APBA1: variants seen among roughly 807,000 people sequenced by gnomAD.
APBA1 encodes the protein amyloid beta precursor protein binding family A member 1, also known as amyloid-beta A4 precursor protein-binding family A member 1.
Under a neutral mutation model 86.6 loss-of-function variants are expected in APBA1, and 55 were observed. The ratio of observed to expected loss-of-function variants is 0.64; its 90% CI spans 0.51 to 0.80. The LOEUF (loss-of-function observed/expected upper bound fraction) is 0.80. Ranked by LOEUF, APBA1 falls within the 30% of genes least tolerant of loss-of-function variation. APBA1 has a pLI of 0.00. For missense variants in APBA1, 1,090 were observed against 1,183.0 expected (o/e 0.92, Z 1.15); for synonymous variants, 511 against 493.9 (o/e 1.03, Z -0.46).
intron 1 of APBA1, among the ~76,000 whole-genome samples, chr9:69,636,890 A>AAGGAAG (rs1823180588): frequency 1.7e-4 from 4 of 23,490 alleles, no homozygotes; most frequent in Admixed American, 9.5e-4. Context: ...AAGGAAGGAA[A>AAGGAAG]GAAGGAAGGA....
intron 2 of APBA1, among the ~76,000 whole-genome samples, chr9:69,501,387 G>A (rs1564057454): frequency 6.6e-6 from 1 of 151,964 alleles, no homozygotes; most frequent in Admixed American, 6.6e-5. Context: ...ATAACTCCCA[G>A]GACAACATGG....
At position 69,516,287 on chromosome 9, in the gene APBA1, C is replaced by T. The variant is rs763831406; in HGVS notation, c.924G>A (p.Gly308=). The change falls in exon 2 of 13, where the codon GGG becomes GGA. Residue 308 remains glycine (G), a synonymous_variant. Transcript: ENST00000265381. The surrounding 1 kb of genome is among the most constrained non-coding windows in gnomAD (Gnocchi z 7.3). ...GCAGCCCGGGGCTGTCGGGGCGACC[C>T]CCGGCCGGGGTAGGGGGACGCTCCA... The part of the protein sequence containing the change: ...QDLERPPTPA[G]GRPDSPGLQA... 6.6e-7 allele frequency: 1 copy of T among 1,507,076 alleles called. No homozygotes were observed. The highest frequency in any genetic ancestry group is 8.8e-7 in the Non-Finnish European group (1 of 1,134,244). The allele number at this position is 1,507,076 out of a possible 1,614,324, so 93.4% of individuals were successfully genotyped here. A position where few individuals can be genotyped will look rare whatever the true frequency, so the allele number is the denominator to read the frequency against.
chr9:69,518,073 C>T (rs1407202905), intron 1 of APBA1, among the ~76,000 whole-genome samples: 1 of 152,132 alleles, frequency 6.6e-6, no homozygotes. Context: ...TTAGGCTTCC[C>T]TATTGCGCAC....
intron 2 of APBA1, among the ~76,000 whole-genome samples, chr9:69,483,141 A>AAAC (rs1351251832): frequency 4.7e-5 from 7 of 150,450 alleles, no homozygotes; most frequent in Non-Finnish European, 7.4e-5. Flanking sequence ...TAAGTCAAAA[A>AAAC]AACAAAAAAA....
At chr9:69,612,804 C>T (rs757592051) in intron 1 of APBA1, among the ~76,000 whole-genome samples, 3 of 151,866 alleles carry the variant, frequency 2.0e-5, no homozygotes, top group East Asian at 1.9e-4. Flanking sequence ...TTAAAGGTTA[C>T]TTCAAAATAT....
intron 2 of APBA1, among the ~76,000 whole-genome samples, chr9:69,505,524 C>T (rs1588326845): frequency 6.6e-6 from 1 of 152,170 alleles, no homozygotes; most frequent in Middle Eastern, 3.4e-3. Context: ...AGTGTTTGTG[C>T]TTTTTATTAT....
intron 1 of APBA1, among the ~76,000 whole-genome samples, chr9:69,662,010 A>T (rs148223900): frequency 2.9e-3 from 377 of 130,684 alleles, no homozygotes; most frequent in African/African-American, 1.0e-2. Flanking sequence ...GAATGGACTA[A>T]GACAAACAGT....
intron 1 of APBA1, among the ~76,000 whole-genome samples, chr9:69,629,123 AGT>A (rs143305594): frequency 0.032 from 4,949 of 152,306 alleles, 122 homozygotes; most frequent in Non-Finnish European, 0.05. Flanking sequence ...AGGGAGCTAA[AGT>A]CTGAATTGAA....
At chr9:69,541,524 A>T (rs1023379762) in intron 1 of APBA1, among the ~76,000 whole-genome samples, 1 of 149,058 alleles carries the variant, frequency 6.7e-6, no homozygotes, top group Non-Finnish European at 1.5e-5. Flanking sequence ...ATGTCTATTC[A>T]AGTTATTTGC....
intron 10 of APBA1, among the ~76,000 whole-genome samples, chr9:69,441,321 T>C (rs938975166): frequency 2.0e-5 from 3 of 152,224 alleles, no homozygotes; most frequent in Non-Finnish European, 4.4e-5. Context: ...ATGTTGCAGA[T>C]GGAGCCCTCT....
At position 69,516,557 on chromosome 9, in the gene APBA1, C is replaced by G; in HGVS notation, c.654G>C (p.Gln218His). The change falls in exon 2 of 13, where the codon CAG becomes CAC. Residue 218 changes from glutamine (Q) to histidine (H), a missense_variant. Physicochemically the swap from Gln to His is conservative, Grantham distance 24. Around this residue, in one of 6 missense-constraint regions of APBA1, gnomAD observed 678 missense variants for 647.1 expected, o/e 1.05. Coordinates refer to ENST00000265381, the MANE Select transcript of APBA1 (RefSeq NM_001163.4). The surrounding 1 kb of genome is among the most constrained non-coding windows in gnomAD (Gnocchi z 7.3). ...GGTACGCGGCCGCCTCGTCGCGCTC[C>G]TGCTCGTAGAGCCGCAGGCCGTCGC... is the stretch of plus-strand genomic sequence containing the variant. ...DARDGLRLYE[Q>H]ERDEAAAYRQ... The G allele has an allele frequency of 3.8e-6, 6 of 1,598,962 alleles. No individual in the cohort carries two copies. The highest frequency in any genetic ancestry group is 5.1e-6 in the Non-Finnish European group (6 of 1,178,066).
intron 2 of APBA1, among the ~76,000 whole-genome samples, chr9:69,482,427 C>A (rs954917435): frequency 1.3e-4 from 19 of 151,334 alleles, no homozygotes; most frequent in Non-Finnish European, 1.6e-4. Context: ...AATGAGATAC[C>A]ATCTCACACC....
chr9:69,532,730 T>G (rs942669437), intron 1 of APBA1, among the ~76,000 whole-genome samples: 54 of 152,336 alleles, frequency 3.5e-4, no homozygotes. Context: ...TCTTTGACCT[T>G]GTGTTACTCA....
At chr9:69,583,737 G>A (rs1821961923) in intron 1 of APBA1, among the ~76,000 whole-genome samples, 2 of 152,140 alleles carry the variant, frequency 1.3e-5, no homozygotes, top group Admixed American at 6.5e-5. Context: ...AGTTTTCATG[G>A]CTGACCTCCT....
intron 1 of APBA1, among the ~76,000 whole-genome samples, chr9:69,645,909 T>G (rs1823382146): frequency 6.6e-6 from 1 of 152,210 alleles, no homozygotes; most frequent in African/African-American, 2.4e-5. Flanking sequence ...CCCAATCACG[T>G]CTCTGCTTAG....
chr9:69,599,817 C>T (rs183312354), intron 1 of APBA1, among the ~76,000 whole-genome samples: 7 of 152,278 alleles, frequency 4.6e-5, no homozygotes, highest in African/African-American at 9.6e-5. Flanking sequence ...TCTAAGGAGT[C>T]TATGGCTGCC....
At chr9:69,472,946 T>C (rs1323995692) in intron 3 of APBA1, among the ~76,000 whole-genome samples, 1 of 152,234 alleles carries the variant, frequency 6.6e-6, no homozygotes, top group East Asian at 1.9e-4. Context: ...GAAACCTAGT[T>C]GTAAGACTCC....
chr9:69,669,110 C>CA (rs1213587073), intron 1 of APBA1, among the ~76,000 whole-genome samples: 5 of 152,188 alleles, frequency 3.3e-5, no homozygotes, highest in Admixed American at 1.3e-4. Flanking sequence ...GTCCCCTATC[C>CA]AAAGGTACAG....
intron 2 of APBA1, among the ~76,000 whole-genome samples, chr9:69,503,600 T>C (rs1275798025): frequency 6.6e-6 from 1 of 152,184 alleles, no homozygotes; most frequent in Non-Finnish European, 1.5e-5. Flanking sequence ...TTCTTGCCAA[T>C]ATAACAACTG....
Sources: allele counts gnomAD v4.1 joint callset (sites outside exome capture counted in the v4.1 genomes callset), GRCh38; gene constraint gnomAD v4.1.1; regional missense constraint gnomAD v4.1.1; non-coding constraint Gnocchi (gnomAD v3.1); transcripts MANE v1.5; gene names NCBI Gene and HGNC (gene_info 2026-07-23, HGNC 2026-07-21).